FERD3L: variants seen among roughly 807,000 people sequenced by gnomAD.
FERD3L encodes Fer3 like bHLH transcription factor.
Under a neutral mutation model 7.5 loss-of-function variants are expected in FERD3L, and 7 were observed. The ratio of observed to expected loss-of-function variants is 0.94; its 90% CI spans 0.53 to 1.76. The LOEUF (loss-of-function observed/expected upper bound fraction) is 1.76. Ranked by LOEUF, FERD3L falls within the 40% of genes most tolerant of loss-of-function variation. The probability of loss-of-function intolerance (pLI) is 0.00; values close to 1 mark genes in which losing one functional copy is unlikely to be tolerated. For synonymous variants in FERD3L, 122 were observed against 94.4 expected (o/e 1.29, Z -1.70); for missense variants, 264 against 220.9 (o/e 1.20, Z -1.24).
Position 19,144,804 on chromosome 7 carries a change from C to A in FERD3L, c.*58G>T, listed in dbSNP as rs111261519. The A allele has an allele frequency of 2.5e-4, 399 of 1,575,364 alleles. 1 individual carries two copies. In the African/African-American group the frequency reaches 5.0e-3, roughly 20 times the overall value. ...CGGCCCTTTAGCCTCACCCAGTGCC[C>A]GGTCCTGACACACCCCAGCACTACC... On this transcript the variant is annotated 3_prime_UTR_variant, in exon 1 of 1. Coordinates refer to ENST00000275461, the MANE Select transcript of FERD3L (RefSeq NM_152898.2).
Position 19,145,048 on chromosome 7 carries a change from G to T in FERD3L, c.315C>A (p.Ala105=), listed in dbSNP as rs570871977. 5.0e-6 allele frequency: 8 copies of T among 1,614,146 alleles called. No individual in the cohort carries two copies. In the South Asian group the frequency reaches 7.7e-5, roughly 16 times the overall value. Residue 105 remains alanine, a synonymous_variant, in exon 1 of 1, where the codon GCC becomes GCA. Transcript: ENST00000275461. ...KRVITYAQRQ[A]ANIRERKRMF... ...TCCGCTTCCTTTCGCGGATGTTGGC[G>T]GCCTGGCGCTGGGCGTAGGTGATCA...
At position 19,144,798 on chromosome 7, in the gene FERD3L, A is replaced by G. The variant is rs1184069627; in HGVS notation, c.*64T>C. On this transcript the variant is annotated 3_prime_UTR_variant, in exon 1 of 1. Coordinates refer to ENST00000275461, the MANE Select transcript of FERD3L (RefSeq NM_152898.2). The stretch of plus-strand genomic sequence containing the variant: ...CCCTCCCGGCCCTTTAGCCTCACCC[A>G]GTGCCCGGTCCTGACACACCCCAGC... 6.4e-7 allele frequency: 1 copy of G among 1,568,798 alleles called. No homozygotes were observed. The highest frequency in any genetic ancestry group is 8.7e-7 in the Non-Finnish European group (1 of 1,155,464).
rs267601446 is a variant in FERD3L at position 19,145,225 on chromosome 7, G to C, written c.138C>G (p.Leu46=). The C allele has an allele frequency of 6.2e-7, 1 of 1,614,018 alleles. No homozygotes were observed. The highest frequency in any genetic ancestry group is 8.5e-7 in the Non-Finnish European group (1 of 1,179,996). The stretch of plus-strand genomic sequence containing the variant: ...CCATCCTCCTGGGTCTTCCCTCTCG[G>C]AGCGCAAGGGCTGGGTCCCCCAAGG... ...GVSLGDPALA[L]REGRPRRMAR... is the part of the protein sequence containing the mutation. The change falls in exon 1 of 1, where the codon CTC becomes CTG. Residue 46 remains leucine, a synonymous_variant. Coordinates refer to ENST00000275461, the MANE Select transcript of FERD3L (RefSeq NM_152898.2).
In FERD3L at chr7:19,145,069, G is replaced by T. The variant is rs770624729; in HGVS notation, c.294C>A (p.Ile98=). 8.1e-6 allele frequency: 13 copies of T among 1,614,004 alleles called. No homozygotes were observed. Among genetic ancestry groups the T allele is most frequent in the Non-Finnish European group, 1.1e-5 (13 of 1,180,010 alleles). The part of the protein sequence containing the change: ...LLGRPKRKRV[I]TYAQRQAANI... ...TGGCGGCCTGGCGCTGGGCGTAGGTGATCACCCTTTTCCTCTTGGGGCGGC... is the reference window on the plus strand; with the variant it reads ...TGGCGGCCTGGCGCTGGGCGTAGGTTATCACCCTTTTCCTCTTGGGGCGGC... The change falls in exon 1 of 1, where the codon ATC becomes ATA. Residue 98 remains isoleucine, a synonymous_variant. Coordinates refer to ENST00000275461, the MANE Select transcript of FERD3L (RefSeq NM_152898.2).
In FERD3L at chr7:19,144,972, A is replaced by G. The variant is rs1264293028; in HGVS notation, c.391T>C (p.Phe131Leu). The G allele has an allele frequency of 2.1e-5, 34 of 1,613,998 alleles. No homozygotes were observed. The highest frequency in any genetic ancestry group is 2.8e-5 in the Non-Finnish European group (33 of 1,180,028). Residue 131 changes from phenylalanine (F) to leucine (L), a missense_variant, in exon 1 of 1, where the codon TTT becomes CTT. Coordinates refer to ENST00000275461, the MANE Select transcript of FERD3L (RefSeq NM_152898.2). ...FDQLRRKVPT[F>L]AYEKRLSRIE... ...CGGGACAGCCTTTTCTCGTAAGCAAACGTGGGCACCTTCCTCCGCAGCTGG... is the reference window on the plus strand; with the variant it reads ...CGGGACAGCCTTTTCTCGTAAGCAAGCGTGGGCACCTTCCTCCGCAGCTGG...
rs768826672 is a variant in FERD3L at position 19,144,823 on chromosome 7, C to A, written c.*39G>T. ...AGTGCCCGGTCCTGACACACCCCAG[C>A]ACTACCAGACGAGGAAGGGCAGACT... On this transcript the variant is annotated 3_prime_UTR_variant, in exon 1 of 1. Transcript: ENST00000275461. 3.9e-5 allele frequency: 62 copies of A among 1,599,918 alleles called. No individual in the cohort carries two copies. The highest frequency in any genetic ancestry group is 5.1e-5 in the Non-Finnish European group (60 of 1,171,304).
Position 19,145,140 on chromosome 7 carries a change from C to T in FERD3L, c.223G>A (p.Glu75Lys), listed in dbSNP as rs1563167479. The change falls in exon 1 of 1, where the codon GAA becomes AAA. Residue 75 changes from glutamate to lysine, a missense_variant. By Grantham distance (56) the Glu-to-Lys change is moderately conservative. Coordinates refer to ENST00000275461, the MANE Select transcript of FERD3L (RefSeq NM_152898.2). ...EECEVDQGDG[E>K]EEEEEERGRG... is the part of the protein sequence containing the mutation. ...CCGCGCTCCTCTTCCTCCTCCTCTTCTCCGTCCCCCTGGTCCACTTCGCAC... is the reference window on the plus strand; with the variant it reads ...CCGCGCTCCTCTTCCTCCTCCTCTTTTCCGTCCCCCTGGTCCACTTCGCAC... The T allele has an allele frequency of 6.2e-7, 1 of 1,612,792 alleles. No individual in the cohort carries two copies. Among genetic ancestry groups the T allele is most frequent in the Non-Finnish European group, 8.5e-7 (1 of 1,178,934 alleles).
At position 19,145,314 on chromosome 7, in the gene FERD3L, C is replaced by G. The variant is rs770099494; in HGVS notation, c.49G>C (p.Val17Leu). The G allele has an allele frequency of 6.2e-7, 1 of 1,610,128 alleles. No homozygotes were observed. The highest frequency in any genetic ancestry group is 2.2e-5 in the East Asian group (1 of 44,842). Residue 17 changes from valine (V) to leucine (L), a missense_variant, in exon 1 of 1, where the codon GTC (valine) becomes CTC (leucine). By Grantham distance (32) the Val-to-Leu change is conservative. Coordinates refer to ENST00000275461, the MANE Select transcript of FERD3L (RefSeq NM_152898.2). ...GGGGAGGCCAGGGACAGGTCTGCGACGAAGTCCAGCACCGTAGTGTCCACG... is the reference window on the plus strand; with the variant it reads ...GGGGAGGCCAGGGACAGGTCTGCGAGGAAGTCCAGCACCGTAGTGTCCACG... ...SCVDTTVLDF[V>L]ADLSLASPRR...
Position 19,145,412 on chromosome 7 carries a change from G to A in FERD3L, c.-50C>T. ...ATCGGTTTTCCGCAGGGAGGGGCGA[G>A]GTTGCTGGTGGGGATTCTTAACAGC... On this transcript the variant is annotated 5_prime_UTR_variant, in exon 1 of 1. Coordinates refer to ENST00000275461, the MANE Select transcript of FERD3L (RefSeq NM_152898.2). 6.6e-7 allele frequency: 1 copy of A among 1,522,344 alleles called. No individual in the cohort carries two copies. 94.3% of individuals were successfully genotyped at this position (1,522,344 alleles called of 1,614,324 possible).
Position 19,145,219 on chromosome 7 carries a change from C to T in FERD3L, c.144G>A (p.Glu48=), listed in dbSNP as rs1788962802. 3 of 1,614,130 alleles carry T rather than the reference C, an allele frequency of 1.9e-6. No individual in the cohort carries two copies. The highest frequency in any genetic ancestry group is 2.5e-6 in the Non-Finnish European group (3 of 1,180,000). ...ACCGCGCCATCCTCCTGGGTCTTCC[C>T]TCTCGGAGCGCAAGGGCTGGGTCCC... ...SLGDPALALR[E]GRPRRMARFE... The change falls in exon 1 of 1, where the codon GAG becomes GAA. Residue 48 remains glutamate, a synonymous_variant. Transcript: ENST00000275461.
Position 19,145,342 on chromosome 7 carries a change from G to C in FERD3L, c.21C>G (p.Ser7Arg), listed in dbSNP as rs1224216699. 1 of 1,587,904 alleles carries C rather than the reference G, an allele frequency of 6.3e-7. No homozygotes were observed. The highest frequency in any genetic ancestry group is 1.7e-5 in the Admixed American group (1 of 59,560). MAAYPE[S>R]CVDTTVLDFV... The stretch of plus-strand genomic sequence containing the variant: ...AGTCCAGCACCGTAGTGTCCACGCA[G>C]CTCTCCGGATAGGCCGCCATCGCTT... Residue 7 changes from serine (S) to arginine (R), a missense_variant, in exon 1 of 1, where the codon AGC (serine) becomes AGG (arginine). Physicochemically the swap from Ser to Arg is moderately radical, Grantham distance 110. Transcript: ENST00000275461.
At position 19,145,185 on chromosome 7, in the gene FERD3L, C is replaced by A; in HGVS notation, c.178G>T (p.Gly60Trp). The change falls in exon 1 of 1, where the codon GGG becomes TGG. Residue 60 changes from glycine to tryptophan, a missense_variant. Physicochemically the swap from Gly to Trp is radical, Grantham distance 184. Coordinates refer to ENST00000275461, the MANE Select transcript of FERD3L (RefSeq NM_152898.2). ...TCGCACTCCTCTTCTTCTGGGTCCCCCTCTTCAAACCGCGCCATCCTCCTG... is the reference window on the plus strand; with the variant it reads ...TCGCACTCCTCTTCTTCTGGGTCCCACTCTTCAAACCGCGCCATCCTCCTG... ...RPRRMARFEE[G>W]DPEEEECEVD... 1 of 1,613,974 alleles carries A rather than the reference C, an allele frequency of 6.2e-7. No homozygotes were observed. The highest frequency in any genetic ancestry group is 8.5e-7 in the Non-Finnish European group (1 of 1,179,876).
chr7:19,144,889 C>A lies in FERD3L; in HGVS notation c.474G>T (p.Glu158Asp). 6.2e-7 allele frequency: 1 copy of A among 1,614,152 alleles called. No homozygotes were observed. Among genetic ancestry groups the A allele is most frequent in the Non-Finnish European group, 8.5e-7 (1 of 1,180,020 alleles). Residue 158 changes from glutamate (E) to aspartate (D), a missense_variant, in exon 1 of 1, where the codon GAG becomes GAT. Coordinates refer to ENST00000275461, the MANE Select transcript of FERD3L (RefSeq NM_152898.2). ...AGCCGCTTTCCTTCTTCTCACAGCT[C>A]TCCAAGAGCTCGGTCATGAAGGAGA... ...VYISFMTELL[E>D]SCEKKESG
At position 19,145,032 on chromosome 7, in the gene FERD3L, T is replaced by C; in HGVS notation, c.331A>G (p.Arg111Gly). Reference sequence around the variant, plus strand: ...TCGTTGAGGTTGAACATCCGCTTCCTTTCGCGGATGTTGGCGGCCTGGCGC... The same window carrying C: ...TCGTTGAGGTTGAACATCCGCTTCCCTTCGCGGATGTTGGCGGCCTGGCGC... ...AQRQAANIRE[R>G]KRMFNLNEAF... Residue 111 changes from arginine to glycine, a missense_variant, in exon 1 of 1, where the codon AGG becomes GGG. By Grantham distance (125) the Arg-to-Gly change is moderately radical (BLOSUM62 -2). Transcript: ENST00000275461. 1 of 1,614,192 alleles carries C rather than the reference T, an allele frequency of 6.2e-7. No homozygotes were observed. The highest frequency in any genetic ancestry group is 2.2e-5 in the East Asian group (1 of 44,864).
chr7:19,145,222 T>C lies in FERD3L; in HGVS notation c.141A>G (p.Arg47=), dbSNP rs1189021372. The stretch of plus-strand genomic sequence containing the variant: ...GCGCCATCCTCCTGGGTCTTCCCTC[T>C]CGGAGCGCAAGGGCTGGGTCCCCCA... ...VSLGDPALAL[R]EGRPRRMARF... Residue 47 remains arginine (R), a synonymous_variant, in exon 1 of 1, where the codon CGA becomes CGG. Transcript: ENST00000275461. The C allele has an allele frequency of 6.2e-7, 1 of 1,614,090 alleles. No homozygotes were observed. Among genetic ancestry groups the C allele is most frequent in the Non-Finnish European group, 8.5e-7 (1 of 1,180,002 alleles).
In FERD3L at chr7:19,145,379, T is replaced by G. The variant is rs1206273656; in HGVS notation, c.-17A>C. On this transcript the variant is annotated 5_prime_UTR_variant, in exon 1 of 1. Coordinates refer to ENST00000275461, the MANE Select transcript of FERD3L (RefSeq NM_152898.2). ...GGCCGCCATCGCTTCGGCTTGGCCC[T>G]GCCTCTCATCGGTTTTCCGCAGGGA... The G allele has an allele frequency of 7.7e-6, 12 of 1,563,684 alleles. No individual in the cohort carries two copies. The highest frequency in any genetic ancestry group is 1.0e-5 in the Non-Finnish European group (12 of 1,152,752).
In FERD3L at chr7:19,145,144, G is replaced by A. The variant is rs977633636; in HGVS notation, c.219C>T (p.Asp73=). The change falls in exon 1 of 1, where the codon GAC becomes GAT. Residue 73 remains aspartate, a synonymous_variant. Transcript: ENST00000275461. The stretch of plus-strand genomic sequence containing the variant: ...GCTCCTCTTCCTCCTCCTCTTCTCC[G>A]TCCCCCTGGTCCACTTCGCACTCCT... ...EEEECEVDQG[D]GEEEEEEERG... 3.1e-6 allele frequency: 5 copies of A among 1,612,072 alleles called. No individual in the cohort carries two copies. In the African/African-American group the frequency reaches 5.3e-5, roughly 17 times the overall value.
Position 19,145,178 on chromosome 7 carries a change from G to C in FERD3L, c.185C>G (p.Pro62Arg). The change falls in exon 1 of 1, where the codon CCA becomes CGA. Residue 62 changes from proline (P) to arginine (R), a missense_variant. By Grantham distance (103) the Pro-to-Arg change is moderately radical. Coordinates refer to ENST00000275461, the MANE Select transcript of FERD3L (RefSeq NM_152898.2). ...GTCCACTTCGCACTCCTCTTCTTCTGGGTCCCCCTCTTCAAACCGCGCCAT... is the reference window on the plus strand; with the variant it reads ...GTCCACTTCGCACTCCTCTTCTTCTCGGTCCCCCTCTTCAAACCGCGCCAT... ...RRMARFEEGD[P>R]EEEECEVDQG... The C allele has an allele frequency of 1.2e-6, 2 of 1,613,784 alleles. No individual in the cohort carries two copies. Among genetic ancestry groups the C allele is most frequent in the Non-Finnish European group, 1.7e-6 (2 of 1,179,800 alleles).
In FERD3L at chr7:19,144,915, T is replaced by A. The variant is rs1289743946; in HGVS notation, c.448A>T (p.Ile150Phe). 2 of 1,614,024 alleles carry A rather than the reference T, an allele frequency of 1.2e-6. No individual in the cohort carries two copies. ...IETLRLAIVYISFMTELLESC... is the reference protein window; with the variant it reads ...IETLRLAIVYFSFMTELLESC... ...TCCAAGAGCTCGGTCATGAAGGAGATATAGACGATGGCCAGGCGGAGGGTC... is the reference window on the plus strand; with the variant it reads ...TCCAAGAGCTCGGTCATGAAGGAGAAATAGACGATGGCCAGGCGGAGGGTC... The change falls in exon 1 of 1, where the codon ATC becomes TTC. Residue 150 changes from isoleucine to phenylalanine, a missense_variant. Coordinates refer to ENST00000275461, the MANE Select transcript of FERD3L (RefSeq NM_152898.2).
Sources: gnomAD v4.1 joint callset for allele counts on GRCh38, gnomAD v4.1.1 for gene constraint, MANE v1.5 for transcripts, NCBI Gene and HGNC (gene_info 2026-07-23, HGNC 2026-07-21) for gene names.